Variants in KCNK5 observed in about 807,000 individuals in gnomAD.
KCNK5 encodes potassium channel subfamily K member 5.
A neutral mutation model predicts 32.9 loss-of-function variants in KCNK5; 18 were observed. The observed-to-expected ratio is 0.55, with a 90% CI of 0.38 to 0.81. The LOEUF is 0.81. Among genes scored for constraint, KCNK5 ranks in the 30% least tolerant of loss-of-function variants. The probability of loss-of-function intolerance (pLI) is 0.00; values close to 1 mark genes in which losing one functional copy is unlikely to be tolerated. For synonymous variants in KCNK5, 276 were observed against 275.3 expected (o/e 1.00, Z -0.03); for missense variants, 507 against 651.0 (o/e 0.78, Z 2.41).
At chr6:39,224,843 C>A (rs1405652640) in intron 1 of KCNK5, among the ~76,000 whole-genome samples, 2 of 152,138 alleles carry the variant, frequency 1.3e-5, no homozygotes, top group South Asian at 2.1e-4. Context: ...GGGCCACTCT[C>A]CATCTTCTGT....
intron 1 of KCNK5, among the ~76,000 whole-genome samples, chr6:39,214,879 A>C (rs77203674): frequency 0.027 from 4,060 of 152,246 alleles, 180 homozygotes; most frequent in African/African-American, 0.091. Flanking sequence ...CATAATATGC[A>C]TTGCATGGTG....
At position 39,228,908 on chromosome 6, in the gene KCNK5, G is replaced by C; in HGVS notation, c.186+18C>G. On this transcript the variant is annotated intron_variant, in intron 1 of 4. Coordinates refer to ENST00000359534, the MANE Select transcript of KCNK5 (RefSeq NM_003740.4). ...AAGCCAGCTTCAGATGTATATGGGG[G>C]TACAGGCGGCGACTGACCTCTAGGA... is the stretch of plus-strand genomic sequence containing the variant. The C allele has an allele frequency of 6.2e-7, 1 of 1,613,386 alleles. No individual in the cohort carries two copies. The highest frequency in any genetic ancestry group is 8.5e-7 in the Non-Finnish European group (1 of 1,179,512).
In KCNK5 at chr6:39,212,720, C is replaced by T. The variant is rs78423690; in HGVS notation, c.186+16206G>A. 1.8e-3 allele frequency among the ~76,000 whole-genome samples: 276 copies of T among 152,244 alleles called. 9 individuals carry two copies. In the East Asian group the frequency reaches 0.047, roughly 26 times the overall value. On this transcript the variant is annotated intron_variant, in intron 1 of 4. Transcript: ENST00000359534. ...GAAATGGATCAACACTGGAAACAGCCGGATGGGTGTCCCTGGCCCTGCCAC... is the reference window on the plus strand; with the variant it reads ...GAAATGGATCAACACTGGAAACAGCTGGATGGGTGTCCCTGGCCCTGCCAC...
intron 1 of KCNK5, 70 bp from the exon 2 acceptor site, chr6:39,196,057 T>A: frequency 9.4e-7 from 1 of 1,058,412 alleles, no homozygotes; most frequent in Non-Finnish European, 1.4e-6. Flanking sequence ...AGAACTGCAC[T>A]AAACTCCTTG....
chr6:39,194,082 C>A lies in KCNK5; in HGVS notation c.634+87G>T. 6.9e-7 allele frequency: 1 copy of A among 1,447,122 alleles called. No homozygotes were observed. The highest frequency in any genetic ancestry group is 9.7e-7 in the Non-Finnish European group (1 of 1,033,526). 89.6% of individuals were successfully genotyped at this position (1,447,122 alleles called of 1,614,324 possible). ...TAAGAGAAGTGCCCAGAACATGGAA[C>A]CCTACCTAGGGCACCCCCAACATAG... On this transcript the variant is annotated intron_variant, in intron 4 of 4. Coordinates refer to ENST00000359534, the MANE Select transcript of KCNK5 (RefSeq NM_003740.4). The surrounding 1 kb of genome is among the most constrained non-coding windows in gnomAD (Gnocchi z 4.7).
rs188656304 is a variant in KCNK5, at chr6:39,203,629, C to T, written c.187-7642G>A. On this transcript the variant is annotated intron_variant, in intron 1 of 4. Coordinates refer to ENST00000359534, the MANE Select transcript of KCNK5 (RefSeq NM_003740.4). The stretch of plus-strand genomic sequence containing the variant: ...AGCTTCTCTGAACTCTAGTCCAACT[C>T]CCTCCCAGCCCCCACCCAGCGTGAA... Among the ~76,000 whole-genome samples, 43 of 152,326 alleles carry T rather than the reference C, an allele frequency of 2.8e-4. No homozygotes were observed. The Middle Eastern group carries it at 0.01, about 36-fold the overall frequency.
chr6:39,205,630 C>T (rs528229508), intron 1 of KCNK5, among the ~76,000 whole-genome samples: 80 of 152,294 alleles, frequency 5.3e-4, no homozygotes, highest in Middle Eastern at 3.4e-3. Flanking sequence ...GGGTGTCTGA[C>T]ACCTCTCTGC....
rs1201603032 is a variant in KCNK5, at chr6:39,191,675, A to C, written c.715T>G (p.Ser239Ala). The change falls in exon 5 of 5, where the codon TCC becomes GCC. Residue 239 changes from serine to alanine, a missense_variant. This residue lies in a region of KCNK5 where 45 missense variants were observed against 107.6 expected (regional missense o/e 0.42). Transcript: ENST00000359534. The surrounding 1 kb of genome is among the most constrained non-coding windows in gnomAD (Gnocchi z 5.8). ...LWIYLGLAWL[S>A]LFVNWKVSMF... Reference sequence around the variant, plus strand: ...CTCACCTTCCAGTTGACAAAAAGGGACAGCCAGGCCAGCCCCAAGTAGATC... The same window carrying C: ...CTCACCTTCCAGTTGACAAAAAGGGCCAGCCAGGCCAGCCCCAAGTAGATC... 9 of 1,613,938 alleles carry C rather than the reference A, an allele frequency of 5.6e-6. No homozygotes were observed. The highest frequency in any genetic ancestry group is 7.6e-6 in the Non-Finnish European group (9 of 1,180,000).
intron 1 of KCNK5, among the ~76,000 whole-genome samples, chr6:39,202,231 C>T (rs889431147): frequency 2.6e-5 from 4 of 152,226 alleles, no homozygotes; most frequent in African/African-American, 9.6e-5. Flanking sequence ...AACTTGTCCT[C>T]TAGTGCCCCT....
Position 39,209,728 on chromosome 6 carries a change from C to T in KCNK5, c.187-13741G>A, listed in dbSNP as rs114819087. 6.7e-3 allele frequency among the ~76,000 whole-genome samples: 1,028 copies of T among 152,320 alleles called. 11 individuals are homozygous for T. Among genetic ancestry groups the T allele is most frequent in the African/African-American group, 0.023 (969 of 41,574 alleles). Reference sequence around the variant, plus strand: ...CAAGGGCTGGGATTTTAAGCACAGACGTTTCCAAGCCTGTTTAACCCCTAA... The same window carrying T: ...CAAGGGCTGGGATTTTAAGCACAGATGTTTCCAAGCCTGTTTAACCCCTAA... On this transcript the variant is annotated intron_variant, in intron 1 of 4. Coordinates refer to ENST00000359534, the MANE Select transcript of KCNK5 (RefSeq NM_003740.4).
intron 1 of KCNK5, among the ~76,000 whole-genome samples, chr6:39,205,988 A>G (rs1771218063): frequency 6.6e-6 from 1 of 152,222 alleles, no homozygotes; most frequent in Non-Finnish European, 1.5e-5. Context: ...TCTCACACCC[A>G]TAACTCCTCT....
chr6:39,193,592 A>G (rs1028966731), intron 4 of KCNK5, among the ~76,000 whole-genome samples: 1 of 152,236 alleles, frequency 6.6e-6, no homozygotes, highest in Non-Finnish European at 1.5e-5. Flanking sequence ...CAAAGGGGCC[A>G]AAGAACCTCA....
intron 1 of KCNK5, among the ~76,000 whole-genome samples, chr6:39,203,031 C>T (rs1355302948): frequency 1.3e-5 from 2 of 152,162 alleles, no homozygotes; most frequent in Non-Finnish European, 2.9e-5. Flanking sequence ...ACACGTGTGT[C>T]CGTCAGGAAC....
Position 39,194,608 on chromosome 6 carries a change from T to C in KCNK5, c.451A>G (p.Arg151Gly). The change falls in exon 3 of 5, where the codon AGA becomes GGA. Residue 151 changes from arginine (R) to glycine (G), a missense_variant. Arg to Gly is a moderately radical substitution (Grantham distance 125). This residue lies in a region of KCNK5 where 143 missense variants were observed against 219.1 expected (regional missense o/e 0.65). Coordinates refer to ENST00000359534, the MANE Select transcript of KCNK5 (RefSeq NM_003740.4). This position sits in a 1 kb window ranked among gnomAD's most constrained non-coding sequence, Gnocchi z 4.7. Reference sequence around the variant, plus strand: ...AGGGGACATACCAGACTCACACCTCTCTTGGTAAGGAACTGCCCTAGTCTC... The same window carrying C: ...AGGGGACATACCAGACTCACACCTCCCTTGGTAAGGAACTGCCCTAGTCTC... ...AKRLGQFLTK[R>G]GVSLRKAQIT... 1 of 1,614,034 alleles carries C rather than the reference T, an allele frequency of 6.2e-7. No individual in the cohort carries two copies. The highest frequency in any genetic ancestry group is 1.1e-5 in the South Asian group (1 of 91,074).
At chr6:39,228,130 C>A (rs1771706297) in intron 1 of KCNK5, among the ~76,000 whole-genome samples, 1 of 152,274 alleles carries the variant, frequency 6.6e-6, no homozygotes, top group Admixed American at 6.5e-5. Flanking sequence ...GGCTGTGCAC[C>A]AGAAAATAAG....
chr6:39,194,681 G>A lies in KCNK5; in HGVS notation c.378C>T (p.Cys126=). ...VFYGLFGVPL[C]LTWISALGKF... ...TGCCCAGGGCACTGATCCACGTCAG[G>A]CAGAGCGGCACCCCGAAGAGACCAT... is the stretch of plus-strand genomic sequence containing the variant. The change falls in exon 3 of 5, where the codon TGC becomes TGT. Residue 126 remains cysteine, a synonymous_variant. Transcript: ENST00000359534. This position sits in a 1 kb window ranked among gnomAD's most constrained non-coding sequence, Gnocchi z 4.7. The A allele has an allele frequency of 6.2e-7, 1 of 1,614,104 alleles. No individual in the cohort carries two copies. The highest frequency in any genetic ancestry group is 8.5e-7 in the Non-Finnish European group (1 of 1,180,006).
intron 4 of KCNK5, among the ~76,000 whole-genome samples, chr6:39,193,868 C>T (rs1441269573): frequency 6.6e-6 from 1 of 152,070 alleles, no homozygotes; most frequent in Non-Finnish European, 1.5e-5. Flanking sequence ...TTGCAAGTCC[C>T]CCATGAAGCC....
At chr6:39,204,038 C>T (rs1416363844) in intron 1 of KCNK5, among the ~76,000 whole-genome samples, 1 of 152,248 alleles carries the variant, frequency 6.6e-6, no homozygotes, top group Non-Finnish European at 1.5e-5. Flanking sequence ...AGCAGCCAAC[C>T]CAGCTCGCCT....
chr6:39,210,398 T>C (rs964048619), intron 1 of KCNK5, among the ~76,000 whole-genome samples: 1 of 152,120 alleles, frequency 6.6e-6, no homozygotes, highest in African/African-American at 2.4e-5. Context: ...TCTCGTCACC[T>C]TCACTCCCCC....
Sources: allele counts gnomAD v4.1 joint callset (sites outside exome capture counted in the v4.1 genomes callset), GRCh38; gene constraint gnomAD v4.1.1; regional missense constraint gnomAD v4.1.1; non-coding constraint Gnocchi (gnomAD v3.1); transcripts MANE v1.5; gene names NCBI Gene and HGNC (gene_info 2026-07-23, HGNC 2026-07-21).